Variants in PCSK5 observed in about 807,000 individuals in gnomAD.
PCSK5 encodes the protein proprotein convertase subtilisin/kexin type 5.
A neutral mutation model predicts 233.2 loss-of-function variants in PCSK5; 129 were observed. The ratio of observed to expected loss-of-function variants is 0.55; its 90% CI spans 0.48 to 0.64. The LOEUF (loss-of-function observed/expected upper bound fraction) is 0.64, where lower values mean the gene tolerates loss of function less well. Among genes scored for constraint, PCSK5 ranks in the 30% least tolerant of loss-of-function variants. PCSK5 has a pLI of 0.00. For synonymous variants in PCSK5, 825 were observed against 879.2 expected (o/e 0.94, Z 1.09); for missense variants, 2,076 against 2,430.1 (o/e 0.85, Z 3.06).
chr9:76,202,209 T>C (rs1587753193), intron 20 of PCSK5, among the ~76,000 whole-genome samples: 1 of 152,298 alleles, frequency 6.6e-6, no homozygotes, highest in East Asian at 1.9e-4. Context: ...CAGTTCTACC[T>C]CCCAAATCTC....
intron 1 of PCSK5, among the ~76,000 whole-genome samples, chr9:75,905,811 T>A (rs189429459): frequency 6.6e-6 from 1 of 152,178 alleles, no homozygotes; most frequent in Non-Finnish European, 1.5e-5. Flanking sequence ...TAATGCCTGA[T>A]GATCTGATAT....
intron 3 of PCSK5, among the ~76,000 whole-genome samples, chr9:76,020,771 G>A (rs932137868): frequency 5.9e-5 from 9 of 152,112 alleles, no homozygotes; most frequent in Non-Finnish European, 8.8e-5. Context: ...ACAATTTCAG[G>A]CAGCATCCCT....
chr9:76,274,326 CTTTTT>C (rs1827623728), intron 24 of PCSK5, among the ~76,000 whole-genome samples: 3 of 151,644 alleles, frequency 2.0e-5, no homozygotes, highest in South Asian at 4.2e-4. Context: ...TTAAGATGTT[CTTTTT>C]ATTTCTTTAA....
At chr9:76,164,485 G>A (rs1823012751) in intron 12 of PCSK5, among the ~76,000 whole-genome samples, 1 of 152,166 alleles carries the variant, frequency 6.6e-6, no homozygotes, top group Non-Finnish European at 1.5e-5. Flanking sequence ...CTTAATAAGT[G>A]GTAACTCTTA....
intron 2 of PCSK5, among the ~76,000 whole-genome samples, chr9:75,975,574 C>G (rs983326199): frequency 1.3e-5 from 2 of 152,148 alleles, no homozygotes; most frequent in East Asian, 3.9e-4. Context: ...TTTGTATTCA[C>G]TTGATATACA....
chr9:75,980,135 TA>T (rs951103378), intron 2 of PCSK5, among the ~76,000 whole-genome samples: 4 of 152,166 alleles, frequency 2.6e-5, no homozygotes, highest in African/African-American at 9.7e-5. Context: ...AGGTGCATAA[TA>T]GGGGAATAGC....
Position 76,175,143 on chromosome 9 carries a change from CA to C in PCSK5, c.1900+15del. On this transcript the variant is annotated intron_variant, in intron 14 of 37. Coordinates refer to ENST00000674117, the MANE Select transcript of PCSK5 (RefSeq NM_001372043.1). ...AGGATTATGCAGGTGAGCTGGCTTC[CA>C]GTGGGACACAGGCTAAAAAGAGGCA... The C allele has an allele frequency of 6.2e-7, 1 of 1,611,504 alleles. No individual in the cohort carries two copies. Among genetic ancestry groups the C allele is most frequent in the African/African-American group, 1.3e-5 (1 of 74,206 alleles).
chr9:76,173,495 C>CTTTTTTTTTTTTTTTT lies in PCSK5; in HGVS notation c.1757-1491_1757-1490insTTTTTTTTTTTTTTTT, dbSNP rs1587715951. ...ACTTTAATGAAATGGAGGCACGTTTCCTTTTTTTTTTTTTTTTTTTTTTTT... is the reference window on the plus strand; with the variant it reads ...ACTTTAATGAAATGGAGGCACGTTTCTTTTTTTTTTTTTTTTCTTTTTTTTTTTTTTTTTTTTTTTT... On this transcript the variant is annotated intron_variant, in intron 13 of 37. Coordinates refer to ENST00000674117, the MANE Select transcript of PCSK5 (RefSeq NM_001372043.1). Among the ~76,000 whole-genome samples, 104 of 34,592 alleles carry CTTTTTTTTTTTTTTTT rather than the reference C, an allele frequency of 3.0e-3. 6 individuals are homozygous for CTTTTTTTTTTTTTTTT. The highest frequency in any genetic ancestry group is 0.014 in the East Asian group (16 of 1,132). 22.7% of individuals were successfully genotyped at this position (34,592 alleles called of 152,430 possible).
At chr9:76,021,220 G>T (rs180952342) in intron 3 of PCSK5, among the ~76,000 whole-genome samples, 2 of 152,196 alleles carry the variant, frequency 1.3e-5, no homozygotes, top group East Asian at 1.9e-4. Flanking sequence ...TCTTCTAAGG[G>T]CTTACAGTCA....
At chr9:76,033,557 T>A (rs1293398643) in intron 5 of PCSK5, among the ~76,000 whole-genome samples, 1 of 152,124 alleles carries the variant, frequency 6.6e-6, no homozygotes, top group African/African-American at 2.4e-5. Flanking sequence ...ACTAGAGGCT[T>A]AATGTATACC....
Position 76,230,404 on chromosome 9 carries a change from G to C in PCSK5, c.2729+2799G>C, listed in dbSNP as rs558330590. 1.8e-4 allele frequency among the ~76,000 whole-genome samples: 27 copies of C among 152,246 alleles called. 1 individual carries two copies. Among genetic ancestry groups the C allele is most frequent in the African/African-American group, 4.6e-4 (19 of 41,538 alleles). On this transcript the variant is annotated intron_variant, in intron 21 of 37. Coordinates refer to ENST00000674117, the MANE Select transcript of PCSK5 (RefSeq NM_001372043.1). ...CCCCTTTCCTACATAAACATGGAAGGGTTCTATATCTGCTTCCTCTCCTAT... is the reference window on the plus strand; with the variant it reads ...CCCCTTTCCTACATAAACATGGAAGCGTTCTATATCTGCTTCCTCTCCTAT...
intron 29 of PCSK5, 103 bp from the exon 30 acceptor site, chr9:76,310,553 G>A (rs1378587537): frequency 1.5e-6 from 1 of 653,808 alleles, no homozygotes; most frequent in Non-Finnish European, 2.4e-6. Flanking sequence ...CCTGAAATAA[G>A]TGCCTGGATA....
At chr9:76,058,737 T>G (rs894449299) in intron 5 of PCSK5, among the ~76,000 whole-genome samples, 1 of 152,128 alleles carries the variant, frequency 6.6e-6, no homozygotes, top group Non-Finnish European at 1.5e-5. Context: ...AATTCACAAT[T>G]TTGGAATTAT....
At chr9:76,350,955 T>G (rs971292279) in intron 36 of PCSK5, 27 bp downstream of exon 36, 5 of 1,148,004 alleles carry the variant, frequency 4.4e-6, no homozygotes, top group Non-Finnish European at 6.5e-6. Flanking sequence ...GTCCTGGGCC[T>G]TCTGCTCTTT....
In PCSK5 at chr9:76,358,741, G is replaced by T; in HGVS notation, c.5483G>T (p.Ser1828Ile). 6.2e-7 allele frequency: 1 copy of T among 1,612,896 alleles called. No homozygotes were observed. Among genetic ancestry groups the T allele is most frequent in the Non-Finnish European group, 8.5e-7 (1 of 1,179,890 alleles). ...SYKSSYREST[S>I]FEEDQVIEYR... ...AAGAGCAGCTATAGAGAGAGCACCA[G>T]CTTTGAAGAGGATCAGGTGATTGAG... Residue 1828 changes from serine (S) to isoleucine (I), a missense_variant, in exon 38 of 38, where the codon AGC becomes ATC. This residue lies in a region of PCSK5 where 1,510 missense variants were observed against 1,538.1 expected (regional missense o/e 0.98). Coordinates refer to ENST00000674117, the MANE Select transcript of PCSK5 (RefSeq NM_001372043.1).
chr9:76,231,291 C>T (rs530433044), intron 21 of PCSK5, among the ~76,000 whole-genome samples: 45 of 152,192 alleles, frequency 3.0e-4, no homozygotes, highest in Admixed American at 5.9e-4. Flanking sequence ...TGAGGATAAC[C>T]GCCCCCATGA....
At chr9:76,045,192 A>C (rs1468706439) in intron 5 of PCSK5, among the ~76,000 whole-genome samples, 1 of 152,240 alleles carries the variant, frequency 6.6e-6, no homozygotes, top group Non-Finnish European at 1.5e-5. Flanking sequence ...ACTAGAATAC[A>C]GTAATTATCG....
chr9:76,341,765 A>C (rs1829843272), intron 35 of PCSK5, among the ~76,000 whole-genome samples: 2 of 152,238 alleles, frequency 1.3e-5, no homozygotes, highest in Admixed American at 6.5e-5. Flanking sequence ...CCTGAAACTC[A>C]GTCCAGAACA....
chr9:76,193,455 C>A (rs1043317337), intron 20 of PCSK5: 4 of 852,156 alleles, frequency 4.7e-6, no homozygotes, highest in Non-Finnish European at 6.8e-6. Flanking sequence ...AGCCACCTCT[C>A]TCTTTCTTTT....
Sources: allele counts gnomAD v4.1 joint callset (sites outside exome capture counted in the v4.1 genomes callset), GRCh38; gene constraint gnomAD v4.1.1; regional missense constraint gnomAD v4.1.1; transcripts MANE v1.5; gene names NCBI Gene and HGNC (gene_info 2026-07-23, HGNC 2026-07-21).